Variants in GBP2 observed in about 807,000 individuals in gnomAD.
GBP2 encodes the protein guanylate-binding protein 2.
A neutral mutation model predicts 60.8 loss-of-function variants in GBP2; 54 were observed. The observed-to-expected ratio is 0.89, with a 90% CI of 0.71 to 1.11. The LOEUF is 1.11. Ranked by LOEUF, GBP2 falls within the 50% of genes most tolerant of loss-of-function variation. The probability of loss-of-function intolerance (pLI) is 0.00; values close to 1 mark genes in which losing one functional copy is unlikely to be tolerated. For missense variants in GBP2, 665 were observed against 703.3 expected (o/e 0.95, Z 0.62); for synonymous variants, 243 against 256.5 (o/e 0.95, Z 0.50).
At chr1:89,113,985 T>G (rs1385973600) in intron 7 of GBP2, 31 bp downstream of exon 7, 1 of 1,608,490 alleles carries the variant, frequency 6.2e-7, no homozygotes, top group South Asian at 1.1e-5. Context: ...CATATTTTTC[T>G]GCCTCTCATG....
chr1:89,108,518 C>T (rs534694262), intron 10 of GBP2, among the ~76,000 whole-genome samples: 7 of 152,324 alleles, frequency 4.6e-5, no homozygotes, highest in South Asian at 2.1e-4. Context: ...TTGGTCCCTT[C>T]ACCATTTGCA....
At chr1:89,113,458 G>GT (rs1452769763) in intron 7 of GBP2, among the ~76,000 whole-genome samples, 7 of 152,144 alleles carry the variant, frequency 4.6e-5, no homozygotes, top group Non-Finnish European at 7.4e-5. Context: ...CTGTAGCAAC[G>GT]TATCATTTAT....
Position 89,117,599 on chromosome 1 carries a change from C to T in GBP2, c.603G>A (p.Glu201=). The change falls in exon 5 of 11, where the codon GAG becomes GAA. Residue 201 remains glutamate, a synonymous_variant. Coordinates refer to ENST00000370466, the MANE Select transcript of GBP2 (RefSeq NM_004120.5). ...GEPITADDYL[E]LSLKLRKGTD... ...AACCTTTTCTTAGCTTTAGCGAAAG[C>T]TCCAAGTAGTCATCAGCAGTGATGG... 3 of 1,613,948 alleles carry T rather than the reference C, an allele frequency of 1.9e-6. No individual in the cohort carries two copies. Among genetic ancestry groups the T allele is most frequent in the Non-Finnish European group, 2.5e-6 (3 of 1,179,924 alleles).
intron 4 of GBP2, chr1:89,118,329 T>C (rs781368617): frequency 2.0e-5 from 3 of 152,398 alleles, no homozygotes; most frequent in Non-Finnish European, 2.9e-5. Context: ...TGGAGGAACA[T>C]TGCAGACAGA....
rs1681074538 is a variant in GBP2 at position 89,107,233 on chromosome 1, C to G, written c.*942G>C. 6.6e-6 allele frequency among the ~76,000 whole-genome samples: 1 copy of G among 151,072 alleles called. No individual in the cohort carries two copies. The highest frequency in any genetic ancestry group is 2.1e-4 in the South Asian group (1 of 4,784). On this transcript the variant is annotated 3_prime_UTR_variant, in exon 11 of 11. Transcript: ENST00000370466. ...TTTTTTTTTTAGTAAGTCATTTACC[C>G]TGAGTAGCTTTGAGGATATAATGTC...
intron 8 of GBP2, among the ~76,000 whole-genome samples, chr1:89,111,807 G>C (rs1173984734): frequency 2.6e-5 from 4 of 152,092 alleles, no homozygotes; most frequent in African/African-American, 9.7e-5. Context: ...AAGTGTAATT[G>C]GATTGTTTGT....
chr1:89,121,382 G>T (rs777669029), intron 2 of GBP2, 112 bp from the exon 3 acceptor site: 8 of 919,538 alleles, frequency 8.7e-6, no homozygotes, highest in South Asian at 2.3e-5. Flanking sequence ...AATACAACTG[G>T]CATAAATCTT....
chr1:89,113,125 C>T (rs4656095), intron 7 of GBP2: 125,669 of 172,160 alleles, frequency 0.73, 46,254 homozygotes, highest in African/African-American at 0.8. Context: ...ACCTATCTCA[C>T]AGATTTCTCT....
rs67260103 is a variant in GBP2, at chr1:89,108,900, T to TTTC, written c.1660-610_1660-609insGAA. Among the ~76,000 whole-genome samples, 70 of 20,574 alleles carry TTTC rather than the reference T, an allele frequency of 3.4e-3. 6 individuals carry two copies. Among genetic ancestry groups the TTTC allele is most frequent in the Admixed American group, 7.3e-3 (14 of 1,920 alleles). The allele number at this position is 20,574 out of a possible 152,430, so 13.5% of individuals were successfully genotyped here. On this transcript the variant is annotated intron_variant, in intron 10 of 10. Transcript: ENST00000370466. ...TGGGTAGATGGTTAGGGAATCTTTC[T>TTTC]TTTTTTTTTTTTGAGATGGAATTTG...
chr1:89,117,885 C>A, intron 4 of GBP2, 112 bp from the exon 5 acceptor site: 1 of 824,912 alleles, frequency 1.2e-6, no homozygotes, highest in Non-Finnish European at 1.9e-6. Flanking sequence ...TTCATTCATT[C>A]ACAAACATTT....
At chr1:89,122,214 A>G (rs1358051284) in intron 1 of GBP2, among the ~76,000 whole-genome samples, 1 of 152,186 alleles carries the variant, frequency 6.6e-6, no homozygotes, top group Non-Finnish European at 1.5e-5. Flanking sequence ...ATGGGTATGG[A>G]AAGTTCCCAT....
intron 4 of GBP2, 143 bp from the exon 5 acceptor site, chr1:89,117,916 CACAA>C (rs1449653248): frequency 1.8e-5 from 13 of 707,570 alleles, no homozygotes; most frequent in Non-Finnish European, 2.8e-5. Context: ...TTCATTCACT[CACAA>C]ACATTTATTG....
Position 89,113,957 on chromosome 1 carries a change from A to AT in GBP2, c.1149+58dup. 6.3e-6 allele frequency: 10 copies of AT among 1,585,660 alleles called. No individual in the cohort carries two copies. The South Asian group carries it at 1.0e-4, about 16-fold the overall frequency. On this transcript the variant is annotated intron_variant, in intron 7 of 10. Transcript: ENST00000370466. Reference sequence around the variant, plus strand: ...ACTATTTTGGGGTCTAGAAAGAATTATTTTCCCATGAAGGGCCCATATTTT... The same window carrying AT: ...ACTATTTTGGGGTCTAGAAAGAATTATTTTTCCCATGAAGGGCCCATATTTT...
rs771205260 is a variant in GBP2 at position 89,114,090 on chromosome 1, C to T, written c.1075G>A (p.Glu359Lys). 3.7e-6 allele frequency: 6 copies of T among 1,614,230 alleles called. No homozygotes were observed. The Admixed American group carries it at 1.0e-4, about 27-fold the overall frequency. ...ATGAAGACTTCAATGGCCTCTCTCT[C>T]ACTGTCCCTGTGCAGGTCCAGCAGC... ...QELLDLHRDS[E>K]REAIEVFMKN... Residue 359 changes from glutamate to lysine, a missense_variant, in exon 7 of 11, where the codon GAG (glutamate) becomes AAG (lysine). Transcript: ENST00000370466.
At chr1:89,108,635 G>T (rs1416079505) in intron 10 of GBP2, among the ~76,000 whole-genome samples, 1 of 152,028 alleles carries the variant, frequency 6.6e-6, no homozygotes, top group Non-Finnish European at 1.5e-5. Flanking sequence ...TATATATCTA[G>T]GAAGGTATGA....
intron 1 of GBP2, among the ~76,000 whole-genome samples, chr1:89,122,931 ATTTAT>A (rs1293969213): frequency 6.6e-6 from 1 of 152,112 alleles, no homozygotes; most frequent in African/African-American, 2.4e-5. Flanking sequence ...TTTCTCCTCT[ATTTAT>A]TTTATTTACT....
At chr1:89,108,541 A>G (rs1681098895) in intron 10 of GBP2, among the ~76,000 whole-genome samples, 1 of 152,172 alleles carries the variant, frequency 6.6e-6, no homozygotes, top group South Asian at 2.1e-4. Flanking sequence ...CATGCAACAC[A>G]GTCTTTCTGG....
At chr1:89,125,202 C>T (rs1681495582) in intron 1 of GBP2, among the ~76,000 whole-genome samples, 1 of 152,172 alleles carries the variant, frequency 6.6e-6, no homozygotes, top group South Asian at 2.1e-4. Flanking sequence ...AGCTTTCCTT[C>T]TTCTATAATA....
At chr1:89,117,302 T>G (rs773564810) in intron 5 of GBP2, 68 bp from the exon 6 acceptor site, 2 of 1,388,174 alleles carry the variant, frequency 1.4e-6, no homozygotes, top group Non-Finnish European at 2.0e-6. Context: ...CTTTCAATTT[T>G]ATAATTTTCA....
Sources: gnomAD v4.1 joint callset for allele counts (sites outside exome capture counted in the v4.1 genomes callset) on GRCh38, gnomAD v4.1.1 for gene constraint, MANE v1.5 for transcripts, NCBI Gene and HGNC (gene_info 2026-07-23, HGNC 2026-07-21) for gene names.